Variants in UBAP2 observed in about 807,000 individuals in gnomAD.
The protein encoded by UBAP2 is ubiquitin associated protein 2, also known as ubiquitin-associated protein 2.
In UBAP2, 75 loss-of-function variants were observed where a neutral mutation model predicts 139.6. The observed-to-expected ratio is 0.54, with a 90% CI of 0.45 to 0.65. The LOEUF (loss-of-function observed/expected upper bound fraction) is 0.65, where lower values mean the gene tolerates loss of function less well. Ranked by LOEUF, UBAP2 falls within the 30% of genes least tolerant of loss-of-function variation. UBAP2 has a pLI of 0.00. For missense variants in UBAP2, 1,368 were observed against 1,369.6 expected, an observed-to-expected ratio of 1.00 and a Z score of 0.02; for synonymous variants, 526 against 526.2, an observed-to-expected ratio of 1.00 and a Z score of 0.01.
intron 1 of UBAP2, among the ~76,000 whole-genome samples, chr9:34,018,917 C>A (rs1001009410): frequency 1.1e-4 from 16 of 151,652 alleles, no homozygotes; most frequent in African/African-American, 3.9e-4. Flanking sequence ...TTAAAAAGCA[C>A]CATTATTCAT....
intron 6 of UBAP2, among the ~76,000 whole-genome samples, chr9:33,979,338 TAAAG>T (rs960781212): frequency 6.6e-6 from 1 of 152,088 alleles, no homozygotes; most frequent in Non-Finnish European, 1.5e-5. Flanking sequence ...ATACACAAGA[TAAAG>T]AAACATACAA....
At position 33,954,010 on chromosome 9, in the gene UBAP2, G is replaced by A. The variant is rs540165194; in HGVS notation, c.867-536C>T. ...CAACCTCTGCCTCCCAGGCTTAAGCGATTCTCGTGCCTCAGCCTCCCGAGT... is the reference window on the plus strand; with the variant it reads ...CAACCTCTGCCTCCCAGGCTTAAGCAATTCTCGTGCCTCAGCCTCCCGAGT... On this transcript the variant is annotated intron_variant, in intron 11 of 28. Transcript: ENST00000379238. 1.3e-4 allele frequency among the ~76,000 whole-genome samples: 19 copies of A among 151,912 alleles called. No homozygotes were observed. In the South Asian group the frequency reaches 2.3e-3, roughly 18 times the overall value.
In UBAP2 at chr9:33,942,172, C is replaced by T. The variant is rs1197257426; in HGVS notation, c.1716-310G>A. Among the ~76,000 whole-genome samples, 6 of 151,858 alleles carry T rather than the reference C, an allele frequency of 4.0e-5. No individual in the cohort carries two copies. In the South Asian group the frequency reaches 6.2e-4, roughly 16 times the overall value. ...ACTAAAAATACAAAAATTAGCAGGGCGTGGCAGTGGGCACCTGTAATCCCA... is the reference window on the plus strand; with the variant it reads ...ACTAAAAATACAAAAATTAGCAGGGTGTGGCAGTGGGCACCTGTAATCCCA... On this transcript the variant is annotated intron_variant, in intron 15 of 28. Coordinates refer to ENST00000379238, the MANE Select transcript of UBAP2 (RefSeq NM_001370062.2).
At chr9:33,993,643 G>GC (rs1311798368) in intron 4 of UBAP2, among the ~76,000 whole-genome samples, 2 of 152,166 alleles carry the variant, frequency 1.3e-5, no homozygotes, top group African/African-American at 2.4e-5. Context: ...TCTAGCCTGG[G>GC]CAACGGAGTG....
At chr9:33,942,353 G>A (rs1424211540) in intron 15 of UBAP2, among the ~76,000 whole-genome samples, 2 of 152,122 alleles carry the variant, frequency 1.3e-5, no homozygotes, top group African/African-American at 4.8e-5. Flanking sequence ...AGGAATCCAG[G>A]TGTTTGAGAC....
At chr9:33,947,428 T>A (rs963909131) in intron 13 of UBAP2, among the ~76,000 whole-genome samples, 1 of 152,132 alleles carries the variant, frequency 6.6e-6, no homozygotes, top group Non-Finnish European at 1.5e-5. Context: ...AGTCTACACA[T>A]GGGACCTTTA....
intron 21 of UBAP2, 69 bp downstream of exon 21, chr9:33,926,920 G>A: frequency 2.0e-6 from 3 of 1,514,056 alleles, no homozygotes; most frequent in South Asian, 2.3e-5. Context: ...CCAACGCCAG[G>A]TTCCTGCCAG....
rs183161681 is a variant in UBAP2 at position 33,987,626 on chromosome 9, T to A, written c.443-789A>T. On this transcript the variant is annotated intron_variant, in intron 5 of 28. Coordinates refer to ENST00000379238, the MANE Select transcript of UBAP2 (RefSeq NM_001370062.2). ...CTTGTCTCAAAAAAAGTGAAAAAAATATATATATATGAAATCACATCTTCC... is the reference window on the plus strand; with the variant it reads ...CTTGTCTCAAAAAAAGTGAAAAAAAAATATATATATGAAATCACATCTTCC... Among the ~76,000 whole-genome samples the A allele has an allele frequency of 5.5e-3, 829 of 151,962 alleles. 3 individuals carry two copies. Among genetic ancestry groups the A allele is most frequent in the African/African-American group, 6.5e-3 (269 of 41,464 alleles).
chr9:33,987,304 C>T (rs563209306), intron 5 of UBAP2, among the ~76,000 whole-genome samples: 6 of 152,088 alleles, frequency 3.9e-5, no homozygotes, highest in South Asian at 4.2e-4. Flanking sequence ...CCCAGCTACT[C>T]GAGAGGCTAA....
chr9:33,966,019 C>T (rs1242537343), intron 8 of UBAP2, among the ~76,000 whole-genome samples: 1 of 147,960 alleles, frequency 6.8e-6, no homozygotes, highest in African/African-American at 2.5e-5. Flanking sequence ...CACTGCGCTC[C>T]AGCCTGACTG....
intron 12 of UBAP2, among the ~76,000 whole-genome samples, chr9:33,950,583 T>A (rs1826015855): frequency 6.6e-6 from 1 of 152,232 alleles, no homozygotes; most frequent in Admixed American, 6.5e-5. Context: ...ACATTACTTA[T>A]CACTGCTCCA....
chr9:33,961,427 C>A (rs140701920), intron 9 of UBAP2, among the ~76,000 whole-genome samples: 1 of 152,286 alleles, frequency 6.6e-6, no homozygotes, highest in African/African-American at 2.4e-5. Flanking sequence ...TTGCTCATAT[C>A]AAGTCTGCTG....
chr9:34,046,279 T>G (rs1197550286), intron 1 of UBAP2, among the ~76,000 whole-genome samples: 1 of 56,650 alleles, frequency 1.8e-5, no homozygotes, highest in African/African-American at 7.3e-5. Flanking sequence ...ACAAAGGAAA[T>G]CTTAACAATA....
chr9:34,046,628 A>C (rs1235037747), intron 1 of UBAP2, among the ~76,000 whole-genome samples: 1 of 146,240 alleles, frequency 6.8e-6, no homozygotes, highest in Non-Finnish European at 1.5e-5. Flanking sequence ...TGGGCGACAG[A>C]ACAAGACTCC....
At chr9:34,022,433 C>CTTTTTT (rs11387718) in intron 1 of UBAP2, among the ~76,000 whole-genome samples, 2 of 112,366 alleles carry the variant, frequency 1.8e-5, no homozygotes, top group East Asian at 2.6e-4. Flanking sequence ...AGCAAGACCC[C>CTTTTTT]TTTTTTTTTT....
intron 5 of UBAP2, among the ~76,000 whole-genome samples, chr9:33,987,629 A>G (rs1171090292): frequency 6.6e-6 from 1 of 152,156 alleles, no homozygotes; most frequent in Non-Finnish European, 1.5e-5. Flanking sequence ...AAAAAAATAT[A>G]TATATATGAA....
chr9:33,980,409 T>A (rs1161725649), intron 6 of UBAP2, among the ~76,000 whole-genome samples: 1 of 137,342 alleles, frequency 7.3e-6, no homozygotes, highest in East Asian at 2.2e-4. Context: ...TCTTTTTTTG[T>A]ATTTTTTTTT....
chr9:33,933,739 G>GGT, intron 17 of UBAP2, 111 bp from the exon 18 acceptor site: 2 of 1,450,948 alleles, frequency 1.4e-6, no homozygotes, highest in Non-Finnish European at 1.9e-6. Context: ...CAGTTGAGAC[G>GGT]TCCATAAAGT....
intron 10 of UBAP2, among the ~76,000 whole-genome samples, chr9:33,956,577 C>T (rs1340138417): frequency 1.3e-5 from 2 of 151,994 alleles, no homozygotes; most frequent in African/African-American, 4.8e-5. Flanking sequence ...GATGCACCCA[C>T]CTTGACCTCC....
Sources: gnomAD v4.1 joint callset for allele counts (sites outside exome capture counted in the v4.1 genomes callset) on GRCh38, gnomAD v4.1.1 for gene constraint, MANE v1.5 for transcripts, NCBI Gene and HGNC (gene_info 2026-07-23, HGNC 2026-07-21) for gene names.